The following ZFPM1 variants were observed in gnomAD, a reference collection of about 807,000 sequenced individuals.
The protein encoded by ZFPM1 is zinc finger protein, FOG family member 1, also known as zinc finger protein ZFPM1.
ZFPM1 carries 28 observed loss-of-function variants against 46.3 expected under a neutral mutation model. The observed-to-expected ratio is 0.60, with a 90% CI of 0.45 to 0.83. The LOEUF (loss-of-function observed/expected upper bound fraction) is 0.83, where lower values mean the gene tolerates loss of function less well. Among genes scored for constraint, ZFPM1 ranks in the 40% least tolerant of loss-of-function variants. The probability of loss-of-function intolerance (pLI) is 0.00; values close to 1 mark genes in which losing one functional copy is unlikely to be tolerated. For synonymous variants in ZFPM1, 957 were observed against 675.9 expected (o/e 1.42, Z -6.45); for missense variants, 1,878 against 1,432.4 (o/e 1.31, Z -5.02).
intron 1 of ZFPM1, among the ~76,000 whole-genome samples, chr16:88,473,313 GA>G (rs1161747418): frequency 6.6e-6 from 1 of 152,246 alleles, no homozygotes; most frequent in Non-Finnish European, 1.5e-5. Context: ...TGGATGCTGT[GA>G]ATGAAAGCCT....
At chr16:88,481,701 CT>C (rs905804287) in intron 1 of ZFPM1, among the ~76,000 whole-genome samples, 1 of 152,110 alleles carries the variant, frequency 6.6e-6, no homozygotes, top group Admixed American at 6.5e-5. Context: ...CTGACCGCCC[CT>C]ACCTGCTGAG....
At position 88,486,101 on chromosome 16, in the gene ZFPM1, G is replaced by A. The variant is rs142215480; in HGVS notation, c.145+58G>A. ...CAGCCGGGGCCTCCATTGCTTACCC[G>A]TACCATGCCCTCAGAGCTCAGTGGT... On this transcript the variant is annotated intron_variant, in intron 2 of 9. Coordinates refer to ENST00000319555, the MANE Select transcript of ZFPM1 (RefSeq NM_153813.3). The A allele has an allele frequency of 2.1e-3, 3,186 of 1,515,986 alleles. 11 individuals carry two copies. Among genetic ancestry groups the A allele is most frequent in the Middle Eastern group, 5.6e-3 (33 of 5,900 alleles). The allele number at this position is 1,515,986 out of a possible 1,614,324, so 93.9% of individuals were successfully genotyped here. A position where few individuals can be genotyped will look rare whatever the true frequency, so the allele number is the denominator to read the frequency against.
intron 3 of ZFPM1, among the ~76,000 whole-genome samples, chr16:88,500,507 A>G (rs943521121): frequency 1.3e-5 from 2 of 152,248 alleles, no homozygotes; most frequent in South Asian, 2.1e-4. Context: ...AAACAGCGCT[A>G]TTAGAGAGTG....
chr16:88,488,063 C>T (rs867000622), intron 2 of ZFPM1, among the ~76,000 whole-genome samples: 2 of 152,202 alleles, frequency 1.3e-5, no homozygotes, highest in Admixed American at 6.5e-5. Context: ...GAGCTGGGTG[C>T]GAGTCCCTTG....
intron 4 of ZFPM1, among the ~76,000 whole-genome samples, chr16:88,523,896 G>A (rs924195600): frequency 2.6e-5 from 4 of 152,158 alleles, no homozygotes; most frequent in Non-Finnish European, 4.4e-5. Flanking sequence ...CCCCACATAC[G>A]CGGGGTGCAC....
In ZFPM1 at chr16:88,535,902, G is replaced by A. The variant is rs1913228589; in HGVS notation, c.*923G>A. The A allele has an allele frequency of 6.6e-6, 1 of 152,186 alleles. No homozygotes were observed. The highest frequency in any genetic ancestry group is 2.1e-4 in the South Asian group (1 of 4,834). 9.4% of individuals were successfully genotyped at this position (152,186 alleles called of 1,614,324 possible). A position where few individuals can be genotyped will look rare whatever the true frequency, so the allele number is the denominator to read the frequency against. On this transcript the variant is annotated 3_prime_UTR_variant, in exon 10 of 10. Transcript: ENST00000319555. Reference sequence around the variant, plus strand: ...GTGCCGTTTGCAGCTGGGTGGCTGTGGGCAGCCTCCAGCGTGCTTTCTCAC... The same window carrying A: ...GTGCCGTTTGCAGCTGGGTGGCTGTAGGCAGCCTCCAGCGTGCTTTCTCAC...
intron 1 of ZFPM1, among the ~76,000 whole-genome samples, chr16:88,461,240 T>TGGGGCGGGAGGCCTGGTGAGGACCGA (rs1907870269): frequency 4.2e-5 from 3 of 70,798 alleles, no homozygotes; most frequent in African/African-American, 1.2e-4. Context: ...GACCCAGGGG[T>TGGGGCGGGAGGCCTGGTGAGGACCGA]GGGGCGGGAG....
At chr16:88,455,925 C>T (rs1336743716) in intron 1 of ZFPM1, among the ~76,000 whole-genome samples, 2 of 152,176 alleles carry the variant, frequency 1.3e-5, no homozygotes, top group Non-Finnish European at 2.9e-5. Context: ...CCGCCCGAGT[C>T]GATGTGAGCT....
intron 1 of ZFPM1, among the ~76,000 whole-genome samples, chr16:88,455,362 C>T: frequency 6.6e-6 from 1 of 152,110 alleles, no homozygotes; most frequent in East Asian, 1.9e-4. Context: ...CGCGGCCCAT[C>T]CTCGTTGCGG....
Position 88,533,799 on chromosome 16 carries a change from G to A in ZFPM1, c.1841G>A (p.Arg614Lys). ...RAPEDAPAAR[R>K]PKAPPGPARA... Reference sequence around the variant, plus strand: ...CCCGAGGACGCGCCTGCCGCGCGCAGGCCCAAGGCGCCCCCCGGCCCGGCC... The same window carrying A: ...CCCGAGGACGCGCCTGCCGCGCGCAAGCCCAAGGCGCCCCCCGGCCCGGCC... The change falls in exon 10 of 10, where the codon AGG becomes AAG. Residue 614 changes from arginine (R) to lysine (K), a missense_variant. Physicochemically the swap from Arg to Lys is conservative, Grantham distance 26 (BLOSUM62 2). Coordinates refer to ENST00000319555, the MANE Select transcript of ZFPM1 (RefSeq NM_153813.3). 7 of 1,171,222 alleles carry A rather than the reference G, an allele frequency of 6.0e-6. No homozygotes were observed. In the South Asian group the frequency reaches 7.3e-5, roughly 12 times the overall value. The allele number at this position is 1,171,222 out of a possible 1,614,324, so 72.6% of individuals were successfully genotyped here.
chr16:88,512,348 A>G (rs1186396126), intron 3 of ZFPM1, among the ~76,000 whole-genome samples: 1 of 151,900 alleles, frequency 6.6e-6, no homozygotes. Flanking sequence ...AGCTCCTCCT[A>G]CCCCTGGAAA....
chr16:88,484,300 C>G (rs577270408), intron 1 of ZFPM1, among the ~76,000 whole-genome samples: 1 of 152,356 alleles, frequency 6.6e-6, no homozygotes, highest in African/African-American at 2.4e-5. Flanking sequence ...AAACCCCGAA[C>G]AGTTCTCCAT....
chr16:88,466,812 A>C (rs1372140455), intron 1 of ZFPM1, among the ~76,000 whole-genome samples: 1 of 152,046 alleles, frequency 6.6e-6, no homozygotes, highest in Non-Finnish European at 1.5e-5. Flanking sequence ...CAGCGTTTAA[A>C]TCCTGCCCCC....
chr16:88,503,133 A>G (rs1238848917), intron 3 of ZFPM1, among the ~76,000 whole-genome samples: 1 of 152,172 alleles, frequency 6.6e-6, no homozygotes, highest in East Asian at 1.9e-4. Context: ...TTCAGGGGCC[A>G]GTGGGGACCC....
In ZFPM1 at chr16:88,534,371, C is replaced by T. The variant is rs1394572414; in HGVS notation, c.2413C>T (p.Leu805Phe). The change falls in exon 10 of 10, where the codon CTC (leucine) becomes TTC (phenylalanine). Residue 805 changes from leucine to phenylalanine, a missense_variant. Transcript: ENST00000319555. Reference protein sequence around the residue: ...IDLSKKPRRPLPGAPAPALAD... With the variant: ...IDLSKKPRRPFPGAPAPALAD... ...CCTGAGCAAGAAGCCGCGGCGCCCG[C>T]TCCCCGGAGCCCCGGCACCGGCGCT... 1.4e-6 allele frequency: 2 copies of T among 1,439,434 alleles called. No homozygotes were observed. The highest frequency in any genetic ancestry group is 1.8e-6 in the Non-Finnish European group (2 of 1,101,262). 89.2% of individuals were successfully genotyped at this position (1,439,434 alleles called of 1,614,324 possible).
intron 7 of ZFPM1, 80 bp from the exon 8 acceptor site, chr16:88,532,534 G>A (rs1407563574): frequency 2.1e-6 from 3 of 1,427,940 alleles, no homozygotes; most frequent in Admixed American, 4.1e-5. Context: ...TCACGGCCCT[G>A]GGCCCAGTCG....
chr16:88,488,970 G>C, intron 2 of ZFPM1, 61 bp from the exon 3 acceptor site: 1 of 1,562,892 alleles, frequency 6.4e-7, no homozygotes, highest in Non-Finnish European at 8.7e-7. Context: ...CCCAGCTACA[G>C]GGAGGGGCAG....
chr16:88,491,854 A>G (rs1909596995), intron 3 of ZFPM1, among the ~76,000 whole-genome samples: 1 of 152,072 alleles, frequency 6.6e-6, no homozygotes, highest in Admixed American at 6.5e-5. Context: ...ACACAGGCTG[A>G]GCTATCACCC....
At chr16:88,488,167 C>T (rs867522419) in intron 2 of ZFPM1, among the ~76,000 whole-genome samples, 7 of 152,212 alleles carry the variant, frequency 4.6e-5, no homozygotes, top group East Asian at 1.9e-4. Context: ...CAGGTGCCGC[C>T]GGCAAGCTGC....
Sources: allele counts gnomAD v4.1 joint callset (sites outside exome capture counted in the v4.1 genomes callset), GRCh38; gene constraint gnomAD v4.1.1; transcripts MANE v1.5; gene names NCBI Gene and HGNC (gene_info 2026-07-23, HGNC 2026-07-21).